The following ADIPOR1 variants were observed in gnomAD, a reference collection of about 807,000 sequenced individuals.
ADIPOR1 encodes adiponectin receptor protein 1.
ADIPOR1 carries 15 observed loss-of-function variants against 37.5 expected under a neutral mutation model. The ratio of observed to expected loss-of-function variants is 0.40; its 90% CI spans 0.27 to 0.62. ADIPOR1 has a LOEUF of 0.62. ADIPOR1 is among the 20% of genes least tolerant of loss of function. The pLI is 0.42. For synonymous variants in ADIPOR1, 173 were observed against 173.2 expected (o/e 1.00, Z 0.01); for missense variants, 286 against 478.0 (o/e 0.60, Z 3.75).
chr1:202,951,146 C>A lies in ADIPOR1; in HGVS notation c.-76G>T. ...TCTCTCAGCCCCAGGGGGCAGAGATCTCCCTCTGATGGTAGACACTAAAAG... is the reference window on the plus strand; with the variant it reads ...TCTCTCAGCCCCAGGGGGCAGAGATATCCCTCTGATGGTAGACACTAAAAG... On this transcript the variant is annotated 5_prime_UTR_variant, in exon 2 of 8. Coordinates refer to ENST00000340990, the MANE Select transcript of ADIPOR1 (RefSeq NM_015999.6). 6.4e-7 allele frequency: 1 copy of A among 1,564,610 alleles called. No homozygotes were observed.
chr1:202,954,883 C>G (rs1432520409), intron 1 of ADIPOR1, among the ~76,000 whole-genome samples: 1 of 152,208 alleles, frequency 6.6e-6, no homozygotes, highest in Non-Finnish European at 1.5e-5. Context: ...CTACGGCACA[C>G]CTTTCCTGGA....
At chr1:202,956,863 C>G (rs1414279365) in intron 1 of ADIPOR1, among the ~76,000 whole-genome samples, 1 of 152,146 alleles carries the variant, frequency 6.6e-6, no homozygotes, top group Non-Finnish European at 1.5e-5. Flanking sequence ...TAATGTTGCT[C>G]CCTGTTATTT....
intron 3 of ADIPOR1, among the ~76,000 whole-genome samples, chr1:202,947,940 T>C (rs1654400057): frequency 6.6e-6 from 1 of 152,248 alleles, no homozygotes; most frequent in African/African-American, 2.4e-5. Flanking sequence ...ACTGTTTCTA[T>C]TCATCATTAC....
upstream of ADIPOR1, chr1:202,958,509 CG>C (rs1198911099): frequency 6.5e-6 from 1 of 152,982 alleles, no homozygotes; most frequent in Non-Finnish European, 1.5e-5. Flanking sequence ...CCACCCGCCC[CG>C]GGGTAGAGGA....
At chr1:202,943,532 T>C (rs1255690637) in intron 6 of ADIPOR1, among the ~76,000 whole-genome samples, 1 of 152,234 alleles carries the variant, frequency 6.6e-6, no homozygotes, top group East Asian at 1.9e-4. Flanking sequence ...TTGCAGTTAA[T>C]TGACCAGCTG....
rs1654091182 is a variant in ADIPOR1 at position 202,941,670 on chromosome 1, AC to A, written c.1030del (p.Val344TrpfsTer22). On this transcript the variant is annotated frameshift_variant, in exon 8 of 8. Coordinates refer to ENST00000340990, the MANE Select transcript of ADIPOR1 (RefSeq NM_015999.6). LOFTEE classifies it high-confidence loss of function. Reference protein sequence around the residue: ...FQSHQIFHVLVVAAAFVHFYG... With the variant: ...FQSHQIFHVLXVAAAFVHFYG... ...GAAGTGGACAAAGGCTGCTGCCACCACCAGGACATGGAAAATCTGATGAGAC... is the reference window on the plus strand; with the variant it reads ...GAAGTGGACAAAGGCTGCTGCCACCACAGGACATGGAAAATCTGATGAGAC... The A allele has an allele frequency of 6.2e-7, 1 of 1,614,068 alleles. No homozygotes were observed. Among genetic ancestry groups the A allele is most frequent in the African/African-American group, 1.3e-5 (1 of 74,940 alleles).
intron 1 of ADIPOR1, among the ~76,000 whole-genome samples, chr1:202,957,819 C>G (rs1467413055): frequency 1.3e-5 from 2 of 152,154 alleles, no homozygotes; most frequent in African/African-American, 4.8e-5. Flanking sequence ...CGCGCGGCGG[C>G]CTCGGGGCCA....
At chr1:202,945,994 C>CG (rs935115184) in intron 4 of ADIPOR1, among the ~76,000 whole-genome samples, 66 of 137,008 alleles carry the variant, frequency 4.8e-4, no homozygotes, top group African/African-American at 1.8e-3. Flanking sequence ...CAAACCCCCC[C>CG]CCACCCCTTT....
chr1:202,945,539 T>C (rs1013497806), intron 4 of ADIPOR1, among the ~76,000 whole-genome samples: 1 of 152,166 alleles, frequency 6.6e-6, no homozygotes, highest in Non-Finnish European at 1.5e-5. Flanking sequence ...AAAGCAGTCA[T>C]ATGAAAAAGA....
At chr1:202,956,609 A>G (rs1162736096) in intron 1 of ADIPOR1, among the ~76,000 whole-genome samples, 7 of 152,210 alleles carry the variant, frequency 4.6e-5, no homozygotes, top group Non-Finnish European at 1.0e-4. Flanking sequence ...TGAAGTGATC[A>G]GAAAAAGTTT....
intron 3 of ADIPOR1, among the ~76,000 whole-genome samples, chr1:202,947,493 G>C (rs1055211195): frequency 6.6e-6 from 1 of 151,664 alleles, no homozygotes; most frequent in Non-Finnish European, 1.5e-5. Flanking sequence ...CTGCAGCTGG[G>C]AGACAAGAGC....
At chr1:202,947,237 C>T (rs911338882) in intron 3 of ADIPOR1, among the ~76,000 whole-genome samples, 3 of 152,208 alleles carry the variant, frequency 2.0e-5, no homozygotes, top group East Asian at 1.9e-4. Flanking sequence ...TATGGTCCAA[C>T]CAGGCTGGGC....
At chr1:202,945,228 T>C (rs1342387) in intron 4 of ADIPOR1, 59 bp from the exon 5 acceptor site, 769,944 of 1,418,200 alleles carry the variant, frequency 0.54, 210,210 homozygotes, top group East Asian at 0.56. Flanking sequence ...TACACTTTGA[T>C]GGTTGATGTT....
At chr1:202,946,651 T>C (rs1251147536) in intron 3 of ADIPOR1, 41 bp from the exon 4 acceptor site, 1 of 1,600,670 alleles carries the variant, frequency 6.2e-7, no homozygotes, top group Middle Eastern at 1.7e-4. Flanking sequence ...CACTAGATAG[T>C]ACCTTCCCCA....
At chr1:202,942,422 C>A (rs1262998118) in intron 6 of ADIPOR1, among the ~76,000 whole-genome samples, 1 of 152,188 alleles carries the variant, frequency 6.6e-6, no homozygotes, top group East Asian at 1.9e-4. Context: ...TGTGTAAGTG[C>A]TTACTACCTT....
In ADIPOR1 at chr1:202,950,916, G is replaced by T; in HGVS notation, c.141+14C>A. ...AAACTGAACAAGGGGATGACTCCTG[G>T]GAAGATGACTTACTTTGGGTGGGTT... On this transcript the variant is annotated intron_variant, in intron 2 of 7. Coordinates refer to ENST00000340990, the MANE Select transcript of ADIPOR1 (RefSeq NM_015999.6). 6.2e-7 allele frequency: 1 copy of T among 1,614,086 alleles called. No individual in the cohort carries two copies. Among genetic ancestry groups the T allele is most frequent in the Non-Finnish European group, 8.5e-7 (1 of 1,180,000 alleles).
intron 2 of ADIPOR1, among the ~76,000 whole-genome samples, chr1:202,950,294 C>T (rs1295839025): frequency 6.6e-6 from 1 of 151,648 alleles, no homozygotes. Flanking sequence ...AAAGAGTTGG[C>T]CGGGCACAGT....
intron 1 of ADIPOR1, among the ~76,000 whole-genome samples, chr1:202,953,086 A>G (rs1654641483): frequency 6.6e-6 from 1 of 152,248 alleles, no homozygotes; most frequent in South Asian, 2.1e-4. Flanking sequence ...GAGAACAGGA[A>G]GCTGGAAGCC....
chr1:202,945,818 C>CGCAAAG (rs1654286320), intron 4 of ADIPOR1, among the ~76,000 whole-genome samples: 1 of 151,860 alleles, frequency 6.6e-6, no homozygotes, highest in Admixed American at 6.6e-5. Flanking sequence ...GCTATGAGTA[C>CGCAAAG]GCAAAGGCAT....
Sources: gnomAD v4.1 joint callset for allele counts (sites outside exome capture counted in the v4.1 genomes callset) on GRCh38, gnomAD v4.1.1 for gene constraint, MANE v1.5 for transcripts, NCBI Gene and HGNC (gene_info 2026-07-23, HGNC 2026-07-21) for gene names.